OTOA: variants seen among roughly 807,000 people sequenced by gnomAD.
OTOA encodes the protein cancer/testis antigen 108.
A neutral mutation model predicts 110.8 loss-of-function variants in OTOA; 70 were observed. That is an observed-to-expected ratio of 0.63 (90% CI 0.52 to 0.77). OTOA has a LOEUF of 0.77. OTOA is among the 30% of genes least tolerant of loss of function. The pLI is 0.00. For missense variants in OTOA, 917 were observed against 1,075.8 expected, an observed-to-expected ratio of 0.85 and a Z score of 2.06; for synonymous variants, 373 against 431.5, an observed-to-expected ratio of 0.86 and a Z score of 1.68.
chr16:21,685,613 A>G (rs2141659302), intron 7 of OTOA, among the ~76,000 whole-genome samples: 1 of 152,228 alleles, frequency 6.6e-6, no homozygotes, highest in South Asian at 2.1e-4. Flanking sequence ...CTCAGGCTGG[A>G]GTGCAGTGGC....
chr16:21,712,181 G>T (rs1480614239), intron 13 of OTOA, among the ~76,000 whole-genome samples: 3 of 151,954 alleles, frequency 2.0e-5, no homozygotes, highest in Non-Finnish European at 4.4e-5. Flanking sequence ...AGAAAAATTA[G>T]CTGGCCATGA....
intron 21 of OTOA, among the ~76,000 whole-genome samples, chr16:21,733,278 C>A (rs1899173796): frequency 7.2e-6 from 1 of 138,764 alleles, no homozygotes; most frequent in African/African-American, 2.6e-5. Flanking sequence ...GCCATTCACT[C>A]CGCTATGCAT....
At chr16:21,714,247 TCTTTTTTC>T (rs1451380178) in intron 13 of OTOA, among the ~76,000 whole-genome samples, 3 of 91,172 alleles carry the variant, frequency 3.3e-5, no homozygotes, top group East Asian at 2.4e-4. Context: ...TTCCTTTCTT[TCTTTTTTC>T]TTTCTTTCTT....
chr16:21,706,320 A>T (rs2141681979), intron 12 of OTOA, among the ~76,000 whole-genome samples: 1 of 152,274 alleles, frequency 6.6e-6, no homozygotes, highest in South Asian at 2.1e-4. Flanking sequence ...CTTCCAGGTG[A>T]TTCTGGAACC....
At chr16:21,759,414 G>T (rs1900096907) in intron 28 of OTOA, among the ~76,000 whole-genome samples, 1 of 151,706 alleles carries the variant, frequency 6.6e-6, no homozygotes, top group Admixed American at 6.6e-5. Flanking sequence ...TTGGTTTTAT[G>T]GCTATGCCGT....
chr16:21,676,667 A>G (rs1391516291), intron 1 of OTOA, among the ~76,000 whole-genome samples: 1 of 152,234 alleles, frequency 6.6e-6, no homozygotes, highest in Non-Finnish European at 1.5e-5. Flanking sequence ...AAGTCTCAAA[A>G]GACCCTTCTT....
chr16:21,690,356 C>G (rs1897804481), intron 8 of OTOA, among the ~76,000 whole-genome samples: 2 of 151,868 alleles, frequency 1.3e-5, no homozygotes, highest in Admixed American at 6.6e-5. Context: ...ACCCCACCCC[C>G]ACAATAGGAC....
rs1345318457 is a variant in OTOA at position 21,697,884 on chromosome 16, G to A, written c.840+9G>A. ...AAATTAGTCCTATAGAAGTAAGTTG[G>A]AAAAGTACATTTATATGTCACCATT... On this transcript the variant is annotated intron_variant, in intron 10 of 28. Coordinates refer to ENST00000646100, the MANE Select transcript of OTOA (RefSeq NM_144672.4). 6.2e-7 allele frequency: 1 copy of A among 1,603,466 alleles called. No homozygotes were observed. Among genetic ancestry groups the A allele is most frequent in the African/African-American group, 1.3e-5 (1 of 74,664 alleles).
At chr16:21,712,326 C>T (rs1042620937) in intron 13 of OTOA, among the ~76,000 whole-genome samples, 1 of 150,538 alleles carries the variant, frequency 6.6e-6, no homozygotes, top group African/African-American at 2.4e-5. Flanking sequence ...CAGAGCAAGA[C>T]TCTGTCTTAA....
At chr16:21,708,426 G>T (rs538760707) in intron 12 of OTOA, among the ~76,000 whole-genome samples, 2 of 152,306 alleles carry the variant, frequency 1.3e-5, no homozygotes, top group East Asian at 3.9e-4. Context: ...CAGGGTCCCG[G>T]TGGTCCCCAT....
intron 9 of OTOA, among the ~76,000 whole-genome samples, chr16:21,695,891 A>ATATATATATATAT (rs569493650): frequency 4.8e-5 from 2 of 41,892 alleles, no homozygotes; most frequent in African/African-American, 1.5e-4. Flanking sequence ...ATATATATAT[A>ATATATATATATAT]TTTTTTTTTT....
At chr16:21,715,284 C>A in intron 14 of OTOA, 132 bp downstream of exon 14, 2 of 1,186,942 alleles carry the variant, frequency 1.7e-6, no homozygotes, top group Admixed American at 3.5e-5. Context: ...TGGGGTGGCT[C>A]TGCCTTCTCC....
chr16:21,684,336 A>G, intron 6 of OTOA: 1 of 1,370,624 alleles, frequency 7.3e-7, no homozygotes, highest in Non-Finnish European at 9.5e-7. Flanking sequence ...AGATTTAGAG[A>G]ACAATTCCCC....
Position 21,719,164 on chromosome 16 carries a change from C to G in OTOA, c.1661C>G (p.Thr554Ser). ...TTCCTGTATGAGCTTCTGTTAAAGACCACCAGAAGGCCTGAGGAGCTTTTG... is the reference window on the plus strand; with the variant it reads ...TTCCTGTATGAGCTTCTGTTAAAGAGCACCAGAAGGCCTGAGGAGCTTTTG... Reference protein sequence around the residue: ...ALFLYELLLKTTRRPEELLSA... With the variant: ...ALFLYELLLKSTRRPEELLSA... The change falls in exon 16 of 29, where the codon ACC (threonine) becomes AGC (serine). Residue 554 changes from threonine (T) to serine (S), a missense_variant. This residue lies in a region of OTOA where 840 missense variants were observed against 910.2 expected (regional missense o/e 0.92). Coordinates refer to ENST00000646100, the MANE Select transcript of OTOA (RefSeq NM_144672.4). 6.2e-7 allele frequency: 1 copy of G among 1,614,048 alleles called. No homozygotes were observed. Among genetic ancestry groups the G allele is most frequent in the South Asian group, 1.1e-5 (1 of 91,072 alleles).
rs148701084 is a variant in OTOA, at chr16:21,679,680, C to T, written c.179+469C>T. ...TCAGCCTCCCAAAGTGCTGGGATTA[C>T]AGGTGTGAGCCACCGCAACCGGCCT... On this transcript the variant is annotated intron_variant, in intron 5 of 28. Coordinates refer to ENST00000646100, the MANE Select transcript of OTOA (RefSeq NM_144672.4). Among the ~76,000 whole-genome samples the T allele has an allele frequency of 8.8e-3, 1,344 of 152,302 alleles. 13 individuals are homozygous for T. The highest frequency in any genetic ancestry group is 0.02 in the Admixed American group (313 of 15,298).
intron 20 of OTOA, 73 bp downstream of exon 20, chr16:21,728,504 T>A: frequency 6.6e-7 from 1 of 1,517,432 alleles, no homozygotes; most frequent in Non-Finnish European, 9.0e-7. Flanking sequence ...TTGGCTCTCC[T>A]GCCCTGCAAA....
At chr16:21,732,261 G>A (rs1285302817) in intron 21 of OTOA, among the ~76,000 whole-genome samples, 6 of 152,296 alleles carry the variant, frequency 3.9e-5, no homozygotes, top group Non-Finnish European at 5.9e-5. Context: ...CACCATGCCC[G>A]GCCCTGATGC....
intron 8 of OTOA, among the ~76,000 whole-genome samples, chr16:21,690,811 G>A (rs1897813961): frequency 6.6e-6 from 1 of 151,794 alleles, no homozygotes; most frequent in Non-Finnish European, 1.5e-5. Context: ...TCAAGAAAGG[G>A]AAGGTTTTTT....
At position 21,697,783 on chromosome 16, in the gene OTOA, G is replaced by T. The variant is rs1897973655; in HGVS notation, c.748G>T (p.Ala250Ser). 2 of 1,613,830 alleles carry T rather than the reference G, an allele frequency of 1.2e-6. No individual in the cohort carries two copies. Among genetic ancestry groups the T allele is most frequent in the Admixed American group, 3.3e-5 (2 of 59,984 alleles). ...TTCTTTATTTTTTGTAGATGACTCT[G>T]CTTCATGGGTCAGTGCGGAACACTT... is the stretch of plus-strand genomic sequence containing the variant. The part of the protein sequence containing the change: ...QTSSNATDDS[A>S]SWVSAEHLWV... The change falls in exon 10 of 29, where the codon GCT becomes TCT. Residue 250 changes from alanine to serine, a missense_variant. Coordinates refer to ENST00000646100, the MANE Select transcript of OTOA (RefSeq NM_144672.4).
Sources: allele counts gnomAD v4.1 joint callset (sites outside exome capture counted in the v4.1 genomes callset), GRCh38; gene constraint gnomAD v4.1.1; regional missense constraint gnomAD v4.1.1; transcripts MANE v1.5; gene names NCBI Gene and HGNC (gene_info 2026-07-23, HGNC 2026-07-21).